The following DPP6 variants were observed in gnomAD, a reference collection of about 807,000 sequenced individuals.
DPP6 encodes A-type potassium channel modulatory protein DPP6.
DPP6 carries 69 observed loss-of-function variants against 122.6 expected under a neutral mutation model. The observed-to-expected ratio is 0.56, with a 90% CI of 0.46 to 0.69. DPP6 has a LOEUF of 0.69. Among genes scored for constraint, DPP6 ranks in the 30% least tolerant of loss-of-function variants. The probability of loss-of-function intolerance (pLI) is 0.00; values close to 1 mark genes in which losing one functional copy is unlikely to be tolerated. For missense variants in DPP6, 928 were observed against 1,116.9 expected (o/e 0.83, Z 2.41); for synonymous variants, 418 against 433.1 (o/e 0.97, Z 0.43).
Position 154,238,520 on chromosome 7 carries a change from C to T in DPP6, c.243+185457C>T, listed in dbSNP as rs544508284. Among the ~76,000 whole-genome samples, 5 of 152,258 alleles carry T rather than the reference C, an allele frequency of 3.3e-5. No homozygotes were observed. In the East Asian group the frequency reaches 9.7e-4, roughly 29 times the overall value. ...TGTCTGATTTAAGTAACACGATAGC[C>T]TAACAAGGAAGCACAGCAGCACTAT... is the stretch of plus-strand genomic sequence containing the variant. On this transcript the variant is annotated intron_variant, in intron 1 of 25. Transcript: ENST00000377770.
At chr7:153,884,121 A>T (rs38986), upstream of DPP6, among the ~76,000 whole-genome samples, 2 of 151,916 alleles carry the variant, frequency 1.3e-5, no homozygotes, top group Non-Finnish European at 2.9e-5. Flanking sequence ...TTAACTCGTC[A>T]TTTACATTAG....
At chr7:154,244,633 T>C (rs944470561) in intron 1 of DPP6, among the ~76,000 whole-genome samples, 1 of 152,112 alleles carries the variant, frequency 6.6e-6, no homozygotes, top group African/African-American at 2.4e-5. Context: ...ATTGACTGTA[T>C]ATAAACTATG....
rs532192041 is a variant in DPP6 at position 154,160,380 on chromosome 7, C to G, written c.243+107317C>G. Among the ~76,000 whole-genome samples the G allele has an allele frequency of 1.1e-4, 16 of 152,340 alleles. No homozygotes were observed. The East Asian group carries it at 1.4e-3, about 13-fold the overall frequency. On this transcript the variant is annotated intron_variant, in intron 1 of 25. Coordinates refer to ENST00000377770, the MANE Select transcript of DPP6 (RefSeq NM_130797.4). Reference sequence around the variant, plus strand: ...TGTGCTGCAAAGTCACCTGTTTCCACAAGTGCTTCCCCAATGCAGGCTTTC... The same window carrying G: ...TGTGCTGCAAAGTCACCTGTTTCCAGAAGTGCTTCCCCAATGCAGGCTTTC...
At chr7:153,919,368 C>T (rs1465253997) in intron 1 of DPP6, among the ~76,000 whole-genome samples, 1 of 152,156 alleles carries the variant, frequency 6.6e-6, no homozygotes, top group East Asian at 1.9e-4. Flanking sequence ...GGGACAAGAC[C>T]AGAGGGCCTG....
chr7:154,401,206 A>C lies in DPP6; in HGVS notation c.244-45008A>C, dbSNP rs868585582. On this transcript the variant is annotated intron_variant, in intron 1 of 25. Transcript: ENST00000377770. ...GGTGAGACTCCATCTCAGAAAAAAC[A>C]AAAACAAAAACAAAAAAAAAACAGG... Among the ~76,000 whole-genome samples, 727 of 111,852 alleles carry C rather than the reference A, an allele frequency of 6.5e-3. 9 individuals carry two copies. Among genetic ancestry groups the C allele is most frequent in the African/African-American group, 0.03 (702 of 23,730 alleles). 73.4% of individuals were successfully genotyped at this position (111,852 alleles called of 152,430 possible). A position where few individuals can be genotyped will look rare whatever the true frequency, so the allele number is the denominator to read the frequency against.
At chr7:154,763,267 G>C (rs1045657162) in intron 8 of DPP6, among the ~76,000 whole-genome samples, 12 of 152,146 alleles carry the variant, frequency 7.9e-5, no homozygotes, top group African/African-American at 2.9e-4. Context: ...GGGAGGCAGA[G>C]GTTGCAGTGA....
intron 1 of DPP6, among the ~76,000 whole-genome samples, chr7:154,109,694 C>G (rs1255590157): frequency 6.6e-6 from 1 of 151,804 alleles, no homozygotes; most frequent in Non-Finnish European, 1.5e-5. Flanking sequence ...TCTGGTAGGA[C>G]ATAATTCTCC....
At chr7:154,551,412 A>C (rs2130377459) in intron 4 of DPP6, among the ~76,000 whole-genome samples, 1 of 152,290 alleles carries the variant, frequency 6.6e-6, no homozygotes, top group African/African-American at 2.4e-5. Flanking sequence ...TCTGAGCTCA[A>C]GATTCTGACT....
At chr7:154,583,718 A>G (rs1832241358) in intron 5 of DPP6, among the ~76,000 whole-genome samples, 1 of 152,162 alleles carries the variant, frequency 6.6e-6, no homozygotes, top group Non-Finnish European at 1.5e-5. Context: ...GCTGAGACAC[A>G]TGAACCTCAA....
the DPP6 span, among the ~76,000 whole-genome samples, chr7:153,774,204 T>TGG: frequency 6.6e-6 from 1 of 152,072 alleles, no homozygotes; most frequent in Non-Finnish European, 1.5e-5. Flanking sequence ...ATCAGCAAAG[T>TGG]GGGTATGTTC....
intron 1 of DPP6, among the ~76,000 whole-genome samples, chr7:154,327,178 G>A (rs973270671): frequency 6.6e-6 from 1 of 152,156 alleles, no homozygotes; most frequent in Non-Finnish European, 1.5e-5. Flanking sequence ...AGTGGAGAAT[G>A]AAGAGTAAAG....
At chr7:153,998,791 G>A (rs753805208) in intron 1 of DPP6, among the ~76,000 whole-genome samples, 10 of 152,220 alleles carry the variant, frequency 6.6e-5, no homozygotes, top group Non-Finnish European at 1.5e-4. Context: ...TTAGCACTGT[G>A]AAGACATGAG....
intron 1 of DPP6, among the ~76,000 whole-genome samples, chr7:154,352,336 G>T (rs1466893329): frequency 6.6e-6 from 1 of 151,956 alleles, no homozygotes; most frequent in Non-Finnish European, 1.5e-5. Context: ...GGTGGTGGGC[G>T]CCTGTGGTCC....
chr7:154,141,802 A>G (rs1268025684), intron 1 of DPP6, among the ~76,000 whole-genome samples: 1 of 152,246 alleles, frequency 6.6e-6, no homozygotes, highest in Admixed American at 6.5e-5. Flanking sequence ...ATTTGTGGCA[A>G]TCTTGGTCAG....
rs1336497340 is a variant in DPP6, at chr7:154,306,862, C to T, written c.244-139352C>T. ...ACAGGTTCAAAACAGACAAACCAAA[C>T]CCTCCTCCTTTCAAAAATTCCACAG... On this transcript the variant is annotated intron_variant, in intron 1 of 25. Coordinates refer to ENST00000377770, the MANE Select transcript of DPP6 (RefSeq NM_130797.4). Among the ~76,000 whole-genome samples, 3 of 152,134 alleles carry T rather than the reference C, an allele frequency of 2.0e-5. No homozygotes were observed. In the East Asian group the frequency reaches 5.8e-4, roughly 29 times the overall value.
At chr7:154,471,043 G>A (rs1201127343) in intron 2 of DPP6, among the ~76,000 whole-genome samples, 1 of 152,118 alleles carries the variant, frequency 6.6e-6, no homozygotes, top group Non-Finnish European at 1.5e-5. Flanking sequence ...CTGAGGTCAG[G>A]AGTTCGAGAC....
At chr7:154,325,832 A>G (rs1211195727) in intron 1 of DPP6, among the ~76,000 whole-genome samples, 1 of 152,230 alleles carries the variant, frequency 6.6e-6, no homozygotes, top group Non-Finnish European at 1.5e-5. Context: ...CACATTTTTA[A>G]TTGATTCAAA....
chr7:154,717,998 A>G (rs1841588082), intron 7 of DPP6, among the ~76,000 whole-genome samples: 1 of 152,116 alleles, frequency 6.6e-6, no homozygotes, highest in Non-Finnish European at 1.5e-5. Flanking sequence ...TTCTCTGATG[A>G]TTAGTGATGT....
intron 1 of DPP6, among the ~76,000 whole-genome samples, chr7:154,394,946 G>A (rs1405012683): frequency 6.6e-6 from 1 of 152,196 alleles, no homozygotes; most frequent in Non-Finnish European, 1.5e-5. Flanking sequence ...GATTGCGATA[G>A]AGATGGTGTT....
Sources: gnomAD v4.1 joint callset for allele counts (sites outside exome capture counted in the v4.1 genomes callset) on GRCh38, gnomAD v4.1.1 for gene constraint, MANE v1.5 for transcripts, NCBI Gene and HGNC (gene_info 2026-07-23, HGNC 2026-07-21) for gene names.